The following EEA1 variants were observed in gnomAD, a reference collection of about 807,000 sequenced individuals.
The protein encoded by EEA1 is early endosome antigen 1, 162kD.
Under a neutral mutation model 209.2 loss-of-function variants are expected in EEA1, and 111 were observed. That is an observed-to-expected ratio of 0.53 (90% CI 0.45 to 0.62). The LOEUF (loss-of-function observed/expected upper bound fraction) is 0.62. EEA1 is among the 20% of genes least tolerant of loss of function. The probability of loss-of-function intolerance (pLI) is 0.00; values close to 1 mark genes in which losing one functional copy is unlikely to be tolerated. For missense variants in EEA1, 1,343 were observed against 1,530.8 expected (o/e 0.88, Z 2.05); for synonymous variants, 536 against 540.6 (o/e 0.99, Z 0.12).
In EEA1 at chr12:92,852,655, C is replaced by G. The variant is rs546644521; in HGVS notation, c.520+257G>C. ...TGTTCCTTTTTAATCTTTAAGCATG[C>G]CACAGAAGAAAATGTATCTTCTCTA... On this transcript the variant is annotated intron_variant, in intron 7 of 28. Transcript: ENST00000322349. Among the ~76,000 whole-genome samples the G allele has an allele frequency of 3.9e-5, 6 of 152,094 alleles. No homozygotes were observed. The East Asian group carries it at 1.2e-3, about 29-fold the overall frequency.
intron 22 of EEA1, among the ~76,000 whole-genome samples, chr12:92,785,328 G>A (rs1874083452): frequency 6.6e-6 from 1 of 152,098 alleles, no homozygotes; most frequent in Admixed American, 6.6e-5. Flanking sequence ...CATTCTACTG[G>A]TGTCTAGGTA....
At chr12:92,831,973 G>C (rs1386981025) in intron 11 of EEA1, among the ~76,000 whole-genome samples, 4 of 150,966 alleles carry the variant, frequency 2.6e-5, no homozygotes, top group Non-Finnish European at 4.4e-5. Context: ...TGTAGTCCCA[G>C]CTACTCGGGA....
intron 20 of EEA1, 95 bp downstream of exon 20, chr12:92,801,505 T>C (rs1874905926): frequency 1.3e-6 from 1 of 755,622 alleles, no homozygotes; most frequent in African/African-American, 1.9e-5. Flanking sequence ...TCTGTGGAAA[T>C]GCCCCCAAGA....
rs572775053 is a variant in EEA1 at position 92,865,897 on chromosome 12, G to A, written c.118-910C>T. On this transcript the variant is annotated intron_variant, in intron 2 of 28. Transcript: ENST00000322349. ...CGAGGAGCTGGGATTACAGGCACCC[G>A]CCACCACGCCCAGCTAATATTTGTG... Among the ~76,000 whole-genome samples, 348 of 151,070 alleles carry A rather than the reference G, an allele frequency of 2.3e-3. 3 individuals carry two copies. Among genetic ancestry groups the A allele is most frequent in the African/African-American group, 7.8e-3 (321 of 41,212 alleles).
Position 92,809,169 on chromosome 12 carries a change from T to C in EEA1, c.2200-13A>G, listed in dbSNP as rs781732616. 10 of 1,543,448 alleles carry C rather than the reference T, an allele frequency of 6.5e-6. No individual in the cohort carries two copies. The highest frequency in any genetic ancestry group is 8.7e-6 in the Non-Finnish European group (10 of 1,148,072). On this transcript the variant is annotated splice_polypyrimidine_tract_variant and intron_variant, in intron 17 of 28. Coordinates refer to ENST00000322349, the MANE Select transcript of EEA1 (RefSeq NM_003566.4). Reference sequence around the variant, plus strand: ...CAGCTTCTAGTTTCTATGAAAGAAATATGATATGGCAGCCATTTTAATATT... The same window carrying C: ...CAGCTTCTAGTTTCTATGAAAGAAACATGATATGGCAGCCATTTTAATATT...
intron 2 of EEA1, chr12:92,879,221 T>G: frequency 3.4e-6 from 1 of 296,626 alleles, no homozygotes; most frequent in Non-Finnish European, 6.5e-6. Context: ...TTTTTTTGTA[T>G]TTTGGAATAT....
intron 2 of EEA1, among the ~76,000 whole-genome samples, chr12:92,867,380 G>A (rs1173067573): frequency 6.6e-6 from 1 of 151,706 alleles, no homozygotes; most frequent in African/African-American, 2.4e-5. Context: ...GGCCACAGGT[G>A]GTACTTTAAA....
At chr12:92,844,141 C>T (rs938082906) in intron 9 of EEA1, among the ~76,000 whole-genome samples, 1 of 151,936 alleles carries the variant, frequency 6.6e-6, no homozygotes, top group Non-Finnish European at 1.5e-5. Flanking sequence ...ATTTTAATAA[C>T]TTGGGCTTAT....
intron 1 of EEA1, among the ~76,000 whole-genome samples, chr12:92,899,814 T>C (rs1880075293): frequency 6.6e-6 from 1 of 152,226 alleles, no homozygotes; most frequent in Admixed American, 6.5e-5. Flanking sequence ...CTATGCTTTT[T>C]TGGAAGTTGA....
chr12:92,883,885 G>T (rs1202616826), intron 2 of EEA1: 1 of 1,595,580 alleles, frequency 6.3e-7, no homozygotes, highest in Non-Finnish European at 8.6e-7. Flanking sequence ...TGAGCAATGG[G>T]GAACGCTCAC....
rs1358168546 is a variant in EEA1, at chr12:92,856,993, G to A, written c.366+282C>T. ...TCCCTGTGTTGCCCAGGCTGGTCTC[G>A]AACTCCTGGCTCAAGCAACTCTCTC... is the stretch of plus-strand genomic sequence containing the variant. On this transcript the variant is annotated intron_variant, in intron 5 of 28. Transcript: ENST00000322349. Among the ~76,000 whole-genome samples, 6 of 151,756 alleles carry A rather than the reference G, an allele frequency of 4.0e-5. No individual in the cohort carries two copies. The East Asian group carries it at 7.7e-4, about 20-fold the overall frequency.
At chr12:92,779,425 A>T (rs541606495) in intron 24 of EEA1, 125 bp from the exon 25 acceptor site, 1 of 842,338 alleles carries the variant, frequency 1.2e-6, no homozygotes, top group South Asian at 2.2e-5. Flanking sequence ...GAAATTCTTA[A>T]AGTTCAGTAT....
chr12:92,891,543 C>G (rs1459769994), intron 2 of EEA1, 86 bp downstream of exon 2: 1 of 1,046,564 alleles, frequency 9.6e-7, no homozygotes, highest in East Asian at 2.5e-5. Flanking sequence ...GAGAACTTTT[C>G]CTATACAAAT....
chr12:92,907,213 T>C (rs893257411), intron 1 of EEA1, among the ~76,000 whole-genome samples: 1 of 152,230 alleles, frequency 6.6e-6, no homozygotes, highest in Non-Finnish European at 1.5e-5. Flanking sequence ...TAATTTTCAT[T>C]AACACCATTG....
intron 1 of EEA1, among the ~76,000 whole-genome samples, chr12:92,910,639 T>C (rs1880547783): frequency 6.6e-6 from 1 of 152,282 alleles, no homozygotes; most frequent in Non-Finnish European, 1.5e-5. Flanking sequence ...AAGCTGGACT[T>C]CATTAAAATT....
intron 20 of EEA1, among the ~76,000 whole-genome samples, chr12:92,800,179 G>A (rs146270332): frequency 0.016 from 2,486 of 152,170 alleles, 67 homozygotes; most frequent in African/African-American, 0.056. Context: ...CCGAGATTGC[G>A]CCACTGCACT....
chr12:92,837,385 A>G (rs1474611577), intron 10 of EEA1, among the ~76,000 whole-genome samples: 1 of 152,118 alleles, frequency 6.6e-6, no homozygotes, highest in African/African-American at 2.4e-5. Flanking sequence ...CCACTTTGCA[A>G]TGCAGTGGTA....
intron 1 of EEA1, among the ~76,000 whole-genome samples, chr12:92,903,556 C>A (rs1880242203): frequency 6.6e-6 from 1 of 151,270 alleles, no homozygotes. Flanking sequence ...TGAGATAGCA[C>A]CATTACACTC....
In EEA1 at chr12:92,851,216, G is replaced by C; in HGVS notation, c.693C>G (p.Val231=). 1 of 1,613,730 alleles carries C rather than the reference G, an allele frequency of 6.2e-7. No homozygotes were observed. The change falls in exon 9 of 29, where the codon GTC becomes GTG. Residue 231 remains valine, a synonymous_variant. Coordinates refer to ENST00000322349, the MANE Select transcript of EEA1 (RefSeq NM_003566.4). The stretch of plus-strand genomic sequence containing the variant: ...TGTTATCCATTAGTGTTTGAACTTG[G>C]ACCAGTTCTTTCTTTAGCACGGCAA... ...EDVAVLKKEL[V]QVQTLMDNMT...
Sources: gnomAD v4.1 joint callset for allele counts (sites outside exome capture counted in the v4.1 genomes callset) on GRCh38, gnomAD v4.1.1 for gene constraint, MANE v1.5 for transcripts, NCBI Gene and HGNC (gene_info 2026-07-23, HGNC 2026-07-21) for gene names.